ABI1: variants seen among roughly 807,000 people sequenced by gnomAD.
The protein encoded by ABI1 is Abelson interactor 1.
Under a neutral mutation model 54.6 loss-of-function variants are expected in ABI1, and 14 were observed. That is an observed-to-expected ratio of 0.26 (90% CI 0.17 to 0.40). The LOEUF is 0.40. Among genes scored for constraint, ABI1 ranks in the 10% least tolerant of loss-of-function variants. ABI1 has a pLI of 1.00. For missense variants in ABI1, 443 were observed against 598.3 expected (o/e 0.74, Z 2.71); for synonymous variants, 194 against 209.3 (o/e 0.93, Z 0.63).
rs1279686311 is a variant in ABI1 at position 26,746,619 on chromosome 10, T to A, written c.*1951A>T. 1.2e-6 allele frequency: 1 copy of A among 865,360 alleles called. No individual in the cohort carries two copies. Among genetic ancestry groups the A allele is most frequent in the African/African-American group, 1.7e-5 (1 of 58,654 alleles). 53.6% of individuals were successfully genotyped at this position (865,360 alleles called of 1,614,324 possible). On this transcript the variant is annotated 3_prime_UTR_variant, in exon 11 of 11. Coordinates refer to ENST00000376140, the MANE Select transcript of ABI1 (RefSeq NM_001012750.3). ...TATTGATGGGCAATTTATTTTTTTTTATTGCAAAAGTTTTTTCAGAAAACT... is the reference window on the plus strand; with the variant it reads ...TATTGATGGGCAATTTATTTTTTTTAATTGCAAAAGTTTTTTCAGAAAACT...
At position 26,824,083 on chromosome 10, in the gene ABI1, C is replaced by G. The variant is rs11015318; in HGVS notation, c.118-778G>C. On this transcript the variant is annotated intron_variant, in intron 1 of 10. Coordinates refer to ENST00000376140, the MANE Select transcript of ABI1 (RefSeq NM_001012750.3). ...AAATGGTCTCACGTCCCTTCCAGTT[C>G]TACACAGAAAAAAAAAATGGAACAG... 3.3e-5 allele frequency among the ~76,000 whole-genome samples: 5 copies of G among 151,046 alleles called. No individual in the cohort carries two copies. The East Asian group carries it at 1.0e-3, about 30-fold the overall frequency.
intron 2 of ABI1, among the ~76,000 whole-genome samples, chr10:26,787,109 A>G (rs1358126476): frequency 2.0e-5 from 3 of 152,076 alleles, no homozygotes; most frequent in Non-Finnish European, 2.9e-5. Context: ...ATCCTACTCA[A>G]TCTACTATCA....
chr10:26,803,939 G>C (rs1200851043), intron 2 of ABI1, among the ~76,000 whole-genome samples: 1 of 151,478 alleles, frequency 6.6e-6, no homozygotes, highest in Non-Finnish European at 1.5e-5. Context: ...TTACAAACCT[G>C]GTATGTAGTA....
intron 1 of ABI1, among the ~76,000 whole-genome samples, chr10:26,830,625 A>T (rs1205959112): frequency 1.3e-5 from 1 of 74,616 alleles, no homozygotes; most frequent in Non-Finnish European, 2.4e-5. Context: ...TGTCTCCTTT[A>T]AAAAAAAAAA....
chr10:26,851,550 A>C (rs934806561), intron 1 of ABI1, among the ~76,000 whole-genome samples: 1 of 151,958 alleles, frequency 6.6e-6, no homozygotes, highest in Non-Finnish European at 1.5e-5. Flanking sequence ...TTACTAGATG[A>C]GTATATGAAG....
Position 26,747,770 on chromosome 10 carries a change from A to T in ABI1, c.*800T>A, listed in dbSNP as rs1045220891. ...TGGGACAGATTAAGATAAGGCTAAA[A>T]TTTTTTTCCAAGTTAACATATTGAG... On this transcript the variant is annotated 3_prime_UTR_variant, in exon 11 of 11. Coordinates refer to ENST00000376140, the MANE Select transcript of ABI1 (RefSeq NM_001012750.3). 2 of 195,922 alleles carry T rather than the reference A, an allele frequency of 1.0e-5. No individual in the cohort carries two copies. Among genetic ancestry groups the T allele is most frequent in the African/African-American group, 4.6e-5 (2 of 43,054 alleles). 12.1% of individuals were successfully genotyped at this position (195,922 alleles called of 1,614,324 possible).
intron 4 of ABI1, 62 bp from the exon 5 acceptor site, chr10:26,770,407 C>T: frequency 2.1e-6 from 3 of 1,415,308 alleles, no homozygotes; most frequent in South Asian, 2.3e-5. Flanking sequence ...TGTTTTAACA[C>T]CATGTATTAT....
intron 1 of ABI1, among the ~76,000 whole-genome samples, chr10:26,857,693 G>A (rs1158017763): frequency 1.3e-5 from 2 of 149,192 alleles, no homozygotes; most frequent in Non-Finnish European, 3.0e-5. Context: ...TTACCCCATG[G>A]CAACTGTTAA....
At chr10:26,766,967 T>C (rs6482574) in intron 6 of ABI1, among the ~76,000 whole-genome samples, 44,553 of 152,052 alleles carry the variant, frequency 0.29, 6,868 homozygotes, top group African/African-American at 0.36. Flanking sequence ...ATCTGAGTAA[T>C]TGCATCAGAA....
intron 2 of ABI1, 99 bp downstream of exon 2, chr10:26,823,039 T>C: frequency 9.2e-7 from 1 of 1,081,456 alleles, no homozygotes; most frequent in African/African-American, 1.7e-5. Flanking sequence ...TTATCACCAG[T>C]AAGATGAGTC....
At chr10:26,835,899 G>A (rs1300998872) in intron 1 of ABI1, among the ~76,000 whole-genome samples, 4 of 151,274 alleles carry the variant, frequency 2.6e-5, no homozygotes, top group Admixed American at 1.3e-4. Flanking sequence ...ACAGGCGCAT[G>A]CCACCATGTC....
intron 1 of ABI1, among the ~76,000 whole-genome samples, chr10:26,859,994 GA>G (rs1005580439): frequency 6.7e-5 from 10 of 150,368 alleles, no homozygotes; most frequent in Admixed American, 5.9e-4. Context: ...ATGAGAGGGG[GA>G]AAAAAATAAA....
At chr10:26,752,450 T>C (rs1042204801) in intron 9 of ABI1, among the ~76,000 whole-genome samples, 1 of 152,176 alleles carries the variant, frequency 6.6e-6, no homozygotes, top group African/African-American at 2.4e-5. Flanking sequence ...TTTATATTCA[T>C]AATTAGTTTT....
At chr10:26,782,714 T>A in intron 2 of ABI1, among the ~76,000 whole-genome samples, 1 of 117,880 alleles carries the variant, frequency 8.5e-6, no homozygotes, top group Non-Finnish European at 1.7e-5. Context: ...AGAGTGAGAC[T>A]CTGTCTCAAA....
At chr10:26,817,022 C>A (rs1014632893) in intron 2 of ABI1, among the ~76,000 whole-genome samples, 1 of 100,638 alleles carries the variant, frequency 9.9e-6, no homozygotes, top group African/African-American at 4.3e-5. Flanking sequence ...GTGTGTGTGA[C>A]GGAGTCTTAC....
chr10:26,802,071 C>G (rs1017847279), intron 2 of ABI1, among the ~76,000 whole-genome samples: 2 of 152,128 alleles, frequency 1.3e-5, no homozygotes, highest in African/African-American at 4.8e-5. Context: ...TTAATAAGAA[C>G]TAAACGAAGA....
At chr10:26,804,020 T>C (rs1251342335) in intron 2 of ABI1, among the ~76,000 whole-genome samples, 1 of 152,042 alleles carries the variant, frequency 6.6e-6, no homozygotes, top group African/African-American at 2.4e-5. Flanking sequence ...AATTCTATTA[T>C]ATTAAGAACA....
chr10:26,771,507 T>G (rs1483396274), intron 3 of ABI1, among the ~76,000 whole-genome samples: 1 of 152,178 alleles, frequency 6.6e-6, no homozygotes, highest in Non-Finnish European at 1.5e-5. Context: ...ATAATGAATG[T>G]CCAAGTATGA....
At chr10:26,788,024 T>A (rs1292655386) in intron 2 of ABI1, among the ~76,000 whole-genome samples, 1 of 152,252 alleles carries the variant, frequency 6.6e-6, no homozygotes, top group East Asian at 1.9e-4. Flanking sequence ...AAATCTCATC[T>A]TGAATTGTAC....
Sources: allele counts gnomAD v4.1 joint callset (sites outside exome capture counted in the v4.1 genomes callset), GRCh38; gene constraint gnomAD v4.1.1; transcripts MANE v1.5; gene names NCBI Gene and HGNC (gene_info 2026-07-23, HGNC 2026-07-21).